DNAI4: variants seen among roughly 807,000 people sequenced by gnomAD.
DNAI4 encodes the protein WD repeat domain 78.
DNAI4 carries 85 observed loss-of-function variants against 105.8 expected under a neutral mutation model. The observed-to-expected ratio is 0.80, with a 90% CI of 0.67 to 0.96. The LOEUF (loss-of-function observed/expected upper bound fraction) is 0.96, where lower values mean the gene tolerates loss of function less well. DNAI4 is among the 40% of genes least tolerant of loss of function. The pLI, the probability that DNAI4 is intolerant of heterozygous loss-of-function variation, is 0.00. For missense variants in DNAI4, 1,014 were observed against 1,005.6 expected, an observed-to-expected ratio of 1.01 and a Z score of -0.11; for synonymous variants, 352 against 331.5, an observed-to-expected ratio of 1.06 and a Z score of -0.67.
chr1:66,899,426 T>G (rs535412134), intron 2 of DNAI4, among the ~76,000 whole-genome samples: 1 of 152,316 alleles, frequency 6.6e-6, no homozygotes, highest in East Asian at 1.9e-4. Context: ...GATTGTATGA[T>G]GAATAATTAT....
At chr1:66,828,609 G>A (rs1036308827) in intron 13 of DNAI4, 15 of 152,094 alleles carry the variant, frequency 9.9e-5, no homozygotes, top group African/African-American at 3.1e-4. Flanking sequence ...GTAATAATAC[G>A]TCTTGTTATT....
At chr1:66,901,340 A>T (rs1448750071) in intron 2 of DNAI4, among the ~76,000 whole-genome samples, 2 of 152,088 alleles carry the variant, frequency 1.3e-5, no homozygotes, top group African/African-American at 2.4e-5. Flanking sequence ...TATATCTACA[A>T]ATTTCCCTCT....
chr1:66,863,299 A>G (rs1278306552), intron 6 of DNAI4, among the ~76,000 whole-genome samples: 1 of 152,230 alleles, frequency 6.6e-6, no homozygotes, highest in Non-Finnish European at 1.5e-5. Context: ...TTTAATAAAT[A>G]ATTTTTTTCC....
chr1:66,877,158 ACTTTAG>A (rs2100690600), intron 4 of DNAI4, among the ~76,000 whole-genome samples: 2 of 152,308 alleles, frequency 1.3e-5, no homozygotes, highest in African/African-American at 4.8e-5. Flanking sequence ...CTTGGCCTCT[ACTTTAG>A]CTTCAATGGG....
At chr1:66,864,203 A>G (rs1412365082) in intron 6 of DNAI4, among the ~76,000 whole-genome samples, 1 of 152,238 alleles carries the variant, frequency 6.6e-6, no homozygotes, top group African/African-American at 2.4e-5. Flanking sequence ...GTCAAATTGT[A>G]TACATTAATA....
At chr1:66,915,443 A>T (rs1480379912) in intron 1 of DNAI4, among the ~76,000 whole-genome samples, 2 of 152,228 alleles carry the variant, frequency 1.3e-5, no homozygotes, top group Admixed American at 1.3e-4. Flanking sequence ...TGGCGGTTTC[A>T]TAACTTTAAA....
chr1:66,833,586 T>C lies in DNAI4; in HGVS notation c.2012A>G (p.Lys671Arg), dbSNP rs771561359. ...APGMCFAFHP[K>R]DTNIYLAGTE... ...GTAAATAAGAGTGAAATAATTTACC[T>C]TGGGATGAAAAGCAAAACACATTCC... Residue 671 changes from lysine to arginine, a missense_variant and splice_region_variant, in exon 13 of 17, where the codon AAG becomes AGG. Transcript: ENST00000371026. The C allele has an allele frequency of 1.1e-5, 18 of 1,612,560 alleles. No homozygotes were observed. The highest frequency in any genetic ancestry group is 4.4e-5 in the South Asian group (4 of 90,942).
chr1:66,874,658 T>C, intron 5 of DNAI4, 123 bp downstream of exon 5: 1 of 806,756 alleles, frequency 1.2e-6, no homozygotes. Context: ...ATATACAGTC[T>C]CCCCCCAAAC....
At chr1:66,864,580 G>A (rs1354910755) in intron 6 of DNAI4, among the ~76,000 whole-genome samples, 1 of 152,180 alleles carries the variant, frequency 6.6e-6, no homozygotes, top group African/African-American at 2.4e-5. Context: ...GGCCAGGCGC[G>A]GTGGCTCACG....
chr1:66,845,330 T>C (rs530888995), intron 8 of DNAI4, among the ~76,000 whole-genome samples: 37 of 152,072 alleles, frequency 2.4e-4, no homozygotes, highest in African/African-American at 8.7e-4. Context: ...AGAACTCAGT[T>C]TTTAGAACAA....
intron 4 of DNAI4, among the ~76,000 whole-genome samples, chr1:66,889,152 G>T (rs943265861): frequency 7.2e-5 from 11 of 152,016 alleles, no homozygotes; most frequent in Non-Finnish European, 1.5e-4. Context: ...TCTTTTAATA[G>T]AAATAATATA....
intron 4 of DNAI4, among the ~76,000 whole-genome samples, chr1:66,886,831 C>G (rs750624066): frequency 1.6e-4 from 25 of 152,144 alleles, no homozygotes; most frequent in Non-Finnish European, 2.9e-4. Flanking sequence ...ATTCCTTAAA[C>G]GCTGTTATCT....
At position 66,890,685 on chromosome 1, in the gene DNAI4, A is replaced by G; in HGVS notation, c.643+469T>C. On this transcript the variant is annotated intron_variant, in intron 4 of 16. Coordinates refer to ENST00000371026, the MANE Select transcript of DNAI4 (RefSeq NM_024763.5). This position sits in a 1 kb window ranked among gnomAD's most constrained non-coding sequence, Gnocchi z 4.1. ...AAGGAAGCAGAGGAGGAAGAGGAGGAAGAGGAAGAAGAAGAAGGAGAGGAG... is the reference window on the plus strand; with the variant it reads ...AAGGAAGCAGAGGAGGAAGAGGAGGGAGAGGAAGAAGAAGAAGGAGAGGAG... 1 of 218,356 alleles carries G rather than the reference A, an allele frequency of 4.6e-6. No individual in the cohort carries two copies. The highest frequency in any genetic ancestry group is 9.1e-6 in the Non-Finnish European group (1 of 110,444). The allele number at this position is 218,356 out of a possible 1,614,324, so 13.5% of individuals were successfully genotyped here.
At chr1:66,824,660 T>C (rs1645710890) in intron 15 of DNAI4, among the ~76,000 whole-genome samples, 1 of 152,040 alleles carries the variant, frequency 6.6e-6, no homozygotes, top group South Asian at 2.1e-4. Flanking sequence ...TATTTTATTC[T>C]CTTTGAAGCA....
At chr1:66,840,365 A>T in intron 9 of DNAI4, 104 bp downstream of exon 9, 1 of 1,094,078 alleles carries the variant, frequency 9.1e-7, no homozygotes, top group Non-Finnish European at 1.3e-6. Context: ...TGGTCAATTT[A>T]AATTCCTTGT....
At chr1:66,922,323 T>C (rs1650548241) in intron 1 of DNAI4, among the ~76,000 whole-genome samples, 1 of 57,848 alleles carries the variant, frequency 1.7e-5, no homozygotes, top group African/African-American at 8.1e-5. Flanking sequence ...AAAGGACTCT[T>C]TGACACAGTT....
intron 7 of DNAI4, among the ~76,000 whole-genome samples, chr1:66,849,966 T>C (rs75228989): frequency 0.011 from 1,701 of 151,852 alleles, 15 homozygotes; most frequent in Middle Eastern, 0.048. Flanking sequence ...CATCCGAGGA[T>C]TGGAGGAACG....
At chr1:66,888,957 T>C (rs1249842655) in intron 4 of DNAI4, among the ~76,000 whole-genome samples, 1 of 152,170 alleles carries the variant, frequency 6.6e-6, no homozygotes, top group Non-Finnish European at 1.5e-5. Context: ...AAAATCATTC[T>C]GAATATAGTT....
chr1:66,884,844 A>G (rs1647159298), intron 4 of DNAI4, among the ~76,000 whole-genome samples: 1 of 152,212 alleles, frequency 6.6e-6, no homozygotes, highest in African/African-American at 2.4e-5. Flanking sequence ...GACCAAATTA[A>G]CCAGAAGCCA....
Sources: gnomAD v4.1 joint callset for allele counts (sites outside exome capture counted in the v4.1 genomes callset) on GRCh38, gnomAD v4.1.1 for gene constraint, Gnocchi (gnomAD v3.1) non-coding constraint, MANE v1.5 for transcripts, NCBI Gene and HGNC (gene_info 2026-07-23, HGNC 2026-07-21) for gene names.